IQCM: variants seen among roughly 807,000 people sequenced by gnomAD.
The protein encoded by IQCM is IQ domain-containing protein M.
IQCM carries 45 observed loss-of-function variants against 57.6 expected under a neutral mutation model. The observed-to-expected ratio is 0.78, with a 90% CI of 0.62 to 1.00. IQCM has a LOEUF of 1.00. Among genes scored for constraint, IQCM ranks in the 50% least tolerant of loss-of-function variants. IQCM has a pLI of 0.00. For synonymous variants in IQCM, 148 were observed against 158.9 expected, an observed-to-expected ratio of 0.93 and a Z score of 0.51; for missense variants, 468 against 511.6, an observed-to-expected ratio of 0.91 and a Z score of 0.82.
intron 10 of IQCM, among the ~76,000 whole-genome samples, 167 bp from the exon 11 acceptor site, chr4:149,553,454 G>A (rs1047619421): frequency 6.6e-6 from 1 of 152,120 alleles, no homozygotes; most frequent in Non-Finnish European, 1.5e-5. Context: ...TAATCTCCCT[G>A]AAGTTCAGAG....
rs145133881 is a variant in IQCM, at chr4:149,677,381, G to T, written c.565+4737C>A. 4.3e-3 allele frequency among the ~76,000 whole-genome samples: 649 copies of T among 152,142 alleles called. 3 individuals are homozygous for T. Among genetic ancestry groups the T allele is most frequent in the Admixed American group, 7.3e-3 (112 of 15,264 alleles). The stretch of plus-strand genomic sequence containing the variant: ...CTTTGCCAGCCTATCCCACTGCTGA[G>T]GTATCCCCATTGGGACTTCCTGCAC... On this transcript the variant is annotated intron_variant, in intron 7 of 13. Transcript: ENST00000636793.
chr4:149,699,882 C>T (rs989437592), intron 5 of IQCM, among the ~76,000 whole-genome samples: 3 of 151,818 alleles, frequency 2.0e-5, no homozygotes, highest in African/African-American at 7.3e-5. Context: ...ACTTGCTTTC[C>T]CTCCCCTTCT....
At chr4:149,587,604 A>G (rs1221433818) in intron 9 of IQCM, among the ~76,000 whole-genome samples, 7 of 151,842 alleles carry the variant, frequency 4.6e-5, no homozygotes, top group African/African-American at 1.7e-4. Flanking sequence ...AAACATATGC[A>G]GTGTCATTTA....
In IQCM at chr4:149,553,166, T is replaced by A. The variant is rs1452160614; in HGVS notation, c.1070A>T (p.Glu357Val). 8.1e-7 allele frequency: 1 copy of A among 1,231,900 alleles called. No individual in the cohort carries two copies. The highest frequency in any genetic ancestry group is 1.0e-6 in the Non-Finnish European group (1 of 987,874). The allele number at this position is 1,231,900 out of a possible 1,614,324, so 76.3% of individuals were successfully genotyped here. A position where few individuals can be genotyped will look rare whatever the true frequency, so the allele number is the denominator to read the frequency against. ...ACATTTTTTTCGGTCCATCCACTCC[T>A]CTAGCTCTGCTAAGTTGAGAATTTG... ...TRQILNLAEL[E>V]EWMDRKKFYE... Residue 357 changes from glutamate to valine, a missense_variant, in exon 11 of 14, where the codon GAG (glutamate) becomes GTG (valine). Glu to Val is a moderately radical substitution (Grantham distance 121). Transcript: ENST00000636793.
intron 13 of IQCM, among the ~76,000 whole-genome samples, chr4:149,402,756 C>T (rs1308767526): frequency 1.3e-5 from 2 of 151,774 alleles, no homozygotes; most frequent in Admixed American, 6.6e-5. Flanking sequence ...TATCCTATGT[C>T]GTATAACTAT....
At chr4:149,680,676 A>G (rs1312882044) in intron 7 of IQCM, among the ~76,000 whole-genome samples, 1 of 151,454 alleles carries the variant, frequency 6.6e-6, no homozygotes, top group African/African-American at 2.4e-5. Context: ...ATTAATAAAC[A>G]TTTCACAATT....
intron 2 of IQCM, chr4:149,793,716 T>A (rs981644311): frequency 6.6e-6 from 1 of 152,026 alleles, no homozygotes; most frequent in Non-Finnish European, 1.5e-5. Flanking sequence ...CATGATAGAA[T>A]CTATAAAATA....
chr4:149,641,640 T>A (rs1758201876), intron 7 of IQCM, among the ~76,000 whole-genome samples: 1 of 152,162 alleles, frequency 6.6e-6, no homozygotes. Flanking sequence ...CCCAACCATA[T>A]TTTCCTCTAC....
intron 7 of IQCM, among the ~76,000 whole-genome samples, chr4:149,674,430 G>A (rs1441384449): frequency 6.6e-6 from 1 of 152,056 alleles, no homozygotes; most frequent in East Asian, 1.9e-4. Flanking sequence ...CTAGCAGGAG[G>A]AGGCAAACAA....
intron 2 of IQCM, among the ~76,000 whole-genome samples, chr4:149,751,571 G>A (rs1768443574): frequency 6.6e-6 from 1 of 152,096 alleles, no homozygotes; most frequent in African/African-American, 2.4e-5. Context: ...CATAGACTAA[G>A]CTCTTTCATC....
At chr4:149,446,507 C>T (rs887268312) in intron 12 of IQCM, among the ~76,000 whole-genome samples, 6 of 151,532 alleles carry the variant, frequency 4.0e-5, no homozygotes, top group Non-Finnish European at 7.4e-5. Context: ...TCTGGAGAGG[C>T]ACAGGCATGT....
At chr4:149,747,910 C>G (rs1768081819) in intron 2 of IQCM, among the ~76,000 whole-genome samples, 1 of 152,158 alleles carries the variant, frequency 6.6e-6, no homozygotes, top group South Asian at 2.1e-4. Flanking sequence ...TTAGCTAACA[C>G]AAAGCTCAGA....
At chr4:149,410,509 A>G (rs2111171773) in intron 13 of IQCM, among the ~76,000 whole-genome samples, 1 of 150,452 alleles carries the variant, frequency 6.6e-6, no homozygotes, top group South Asian at 2.1e-4. Flanking sequence ...AATATAAATA[A>G]CTAAAATTTA....
intron 5 of IQCM, among the ~76,000 whole-genome samples, chr4:149,699,806 T>C (rs556754823): frequency 6.6e-6 from 1 of 150,898 alleles, no homozygotes; most frequent in Non-Finnish European, 1.5e-5. Context: ...TTTCAAAGAA[T>C]GATAGACCTA....
intron 13 of IQCM, among the ~76,000 whole-genome samples, chr4:149,428,083 A>G (rs1734580730): frequency 6.6e-6 from 1 of 151,890 alleles, no homozygotes; most frequent in South Asian, 2.1e-4. Context: ...AGCTCCTTTC[A>G]AATGATAATG....
intron 12 of IQCM, among the ~76,000 whole-genome samples, chr4:149,512,191 A>G (rs1282702116): frequency 1.3e-5 from 2 of 152,226 alleles, no homozygotes; most frequent in Non-Finnish European, 2.9e-5. Context: ...CATGGGAAAT[A>G]TAAATCAAGT....
At chr4:149,509,809 C>T (rs1744215527) in intron 12 of IQCM, among the ~76,000 whole-genome samples, 1 of 151,794 alleles carries the variant, frequency 6.6e-6, no homozygotes, top group Admixed American at 6.6e-5. Flanking sequence ...CTCTGGAAAG[C>T]CTCCCAAACC....
intron 12 of IQCM, among the ~76,000 whole-genome samples, chr4:149,527,940 T>C (rs1046745194): frequency 6.6e-6 from 1 of 152,038 alleles, no homozygotes; most frequent in South Asian, 2.1e-4. Flanking sequence ...TAATAGGTAC[T>C]TAATGATGCT....
intron 13 of IQCM, among the ~76,000 whole-genome samples, chr4:149,425,059 T>C (rs558012551): frequency 8.5e-5 from 13 of 152,100 alleles, no homozygotes; most frequent in Admixed American, 6.6e-4. Context: ...TTAGCCTCTT[T>C]AGGAAATAAT....
Sources: allele counts gnomAD v4.1 joint callset (sites outside exome capture counted in the v4.1 genomes callset), GRCh38; gene constraint gnomAD v4.1.1; transcripts MANE v1.5; gene names NCBI Gene and HGNC (gene_info 2026-07-23, HGNC 2026-07-21).